The following SLC15A5 variants were observed in gnomAD, a reference collection of about 807,000 sequenced individuals.
The protein encoded by SLC15A5 is solute carrier family 15 member 5, also known as Peptide/histidine transporter ENSP00000340402.
A neutral mutation model predicts 56.1 loss-of-function variants in SLC15A5; 58 were observed. That is an observed-to-expected ratio of 1.03 (90% CI 0.84 to 1.29). SLC15A5 has a LOEUF of 1.29. Ranked by LOEUF, SLC15A5 falls within the 50% of genes most tolerant of loss-of-function variation. The pLI is 0.00. For missense variants in SLC15A5, 681 were observed against 672.1 expected (o/e 1.01, Z -0.15); for synonymous variants, 264 against 250.5 (o/e 1.05, Z -0.51).
chr12:16,228,804 AC>A (rs1864267847), intron 5 of SLC15A5, among the ~76,000 whole-genome samples: 1 of 151,004 alleles, frequency 6.6e-6, no homozygotes, highest in African/African-American at 2.4e-5. Flanking sequence ...TTGTAAGAAT[AC>A]ACTATGTAAT....
chr12:16,236,348 C>T (rs1436780269), intron 5 of SLC15A5, among the ~76,000 whole-genome samples: 1 of 152,166 alleles, frequency 6.6e-6, no homozygotes, highest in Non-Finnish European at 1.5e-5. Flanking sequence ...GATAAATCCA[C>T]ACAAGTGTAA....
At chr12:16,191,864 A>G (rs1454860363) in intron 8 of SLC15A5, among the ~76,000 whole-genome samples, 1 of 152,102 alleles carries the variant, frequency 6.6e-6, no homozygotes, top group Non-Finnish European at 1.5e-5. Flanking sequence ...TACTTCTGAC[A>G]TGTGACATCC....
chr12:16,262,331 C>G (rs956673453), intron 2 of SLC15A5, among the ~76,000 whole-genome samples: 1 of 151,958 alleles, frequency 6.6e-6, no homozygotes, highest in Admixed American at 6.5e-5. Flanking sequence ...TCTCATTCCT[C>G]TCATCACATT....
At position 16,271,504 on chromosome 12, in the gene SLC15A5, A is replaced by G. The variant is rs945452142; in HGVS notation, c.584+1057T>C. On this transcript the variant is annotated intron_variant, in intron 2 of 8. Transcript: ENST00000344941. The surrounding 1 kb of genome is among the most constrained non-coding windows in gnomAD (Gnocchi z 8.0). The stretch of plus-strand genomic sequence containing the variant: ...TTTGGTAAGACTGCATTGTTCTCTG[A>G]CATTAGGACTTAATCCAAAATAGGG... Among the ~76,000 whole-genome samples the G allele has an allele frequency of 3.9e-5, 6 of 152,176 alleles. No individual in the cohort carries two copies. The highest frequency in any genetic ancestry group is 3.3e-4 in the Admixed American group (5 of 15,268).
intron 5 of SLC15A5, among the ~76,000 whole-genome samples, chr12:16,226,751 T>G (rs1864245735): frequency 6.6e-6 from 1 of 152,182 alleles, no homozygotes; most frequent in African/African-American, 2.4e-5. Context: ...ATCTAGAAGT[T>G]TTTTGTTGAA....
chr12:16,198,756 T>C (rs1311407068), intron 7 of SLC15A5, among the ~76,000 whole-genome samples: 1 of 152,120 alleles, frequency 6.6e-6, no homozygotes, highest in Non-Finnish European at 1.5e-5. Context: ...ATTTAAAGCT[T>C]TTGAAACTGG....
rs187603537 is a variant in SLC15A5, at chr12:16,193,079, G to T, written c.1592+1266C>A. On this transcript the variant is annotated intron_variant, in intron 8 of 8. Coordinates refer to ENST00000344941, the MANE Select transcript of SLC15A5 (RefSeq NM_001170798.1). ...GGTGCAGGTTTTTGAGAATTGCTGG[G>T]TGAGCACCACTTATGTGTCTGGAGG... Among the ~76,000 whole-genome samples the T allele has an allele frequency of 2.8e-3, 424 of 152,144 alleles. 2 individuals carry two copies. The highest frequency in any genetic ancestry group is 9.2e-3 in the African/African-American group (382 of 41,548).
intron 3 of SLC15A5, among the ~76,000 whole-genome samples, chr12:16,256,109 ATAGT>A (rs1864569224): frequency 6.6e-6 from 1 of 152,236 alleles, no homozygotes; most frequent in East Asian, 1.9e-4. Context: ...AGAAATCCTA[ATAGT>A]TACATTAGCA....
At chr12:16,222,495 A>T (rs1864197999) in intron 6 of SLC15A5, among the ~76,000 whole-genome samples, 1 of 152,198 alleles carries the variant, frequency 6.6e-6, no homozygotes, top group South Asian at 2.1e-4. Context: ...TCTATTTTAA[A>T]TATCAGAAAA....
intron 7 of SLC15A5, among the ~76,000 whole-genome samples, chr12:16,198,078 A>G (rs1863912891): frequency 6.6e-6 from 1 of 152,094 alleles, no homozygotes; most frequent in South Asian, 2.1e-4. Flanking sequence ...TGCCATTCGT[A>G]ATGCCCACAG....
intron 3 of SLC15A5, among the ~76,000 whole-genome samples, chr12:16,253,013 AG>A (rs1864534160): frequency 6.7e-6 from 1 of 148,522 alleles, no homozygotes; most frequent in South Asian, 2.2e-4. Flanking sequence ...AATTTTCATC[AG>A]GGGTGCCAAG....
At chr12:16,261,162 C>T (rs1257795075) in intron 2 of SLC15A5, among the ~76,000 whole-genome samples, 2 of 151,990 alleles carry the variant, frequency 1.3e-5, no homozygotes, top group African/African-American at 2.4e-5. Flanking sequence ...AAAATAATTA[C>T]GACATTCAAG....
At chr12:16,246,552 G>T (rs1020348431) in intron 3 of SLC15A5, among the ~76,000 whole-genome samples, 1 of 151,962 alleles carries the variant, frequency 6.6e-6, no homozygotes. Flanking sequence ...AGTGGTGCTG[G>T]GTAGATAGTA....
At chr12:16,206,780 A>G (rs1392197389) in intron 7 of SLC15A5, among the ~76,000 whole-genome samples, 1 of 152,216 alleles carries the variant, frequency 6.6e-6, no homozygotes, top group Non-Finnish European at 1.5e-5. Context: ...AAATGAAGTC[A>G]GGTTGCTGTT....
chr12:16,270,449 C>T (rs775848667), intron 2 of SLC15A5, among the ~76,000 whole-genome samples: 8 of 152,156 alleles, frequency 5.3e-5, no homozygotes, highest in Non-Finnish European at 7.4e-5. Context: ...ATAGATTACA[C>T]ATTAATAAAC....
At chr12:16,204,604 T>G (rs992828009) in intron 7 of SLC15A5, among the ~76,000 whole-genome samples, 5 of 151,302 alleles carry the variant, frequency 3.3e-5, no homozygotes, top group Non-Finnish European at 5.9e-5. Flanking sequence ...AAAAGGAGAG[T>G]GATACTAAGC....
chr12:16,200,660 A>G (rs1453676013), intron 7 of SLC15A5, among the ~76,000 whole-genome samples: 1 of 152,154 alleles, frequency 6.6e-6, no homozygotes, highest in Non-Finnish European at 1.5e-5. Context: ...CTGGTCAATG[A>G]AGAAATGAAA....
Position 16,239,787 on chromosome 12 carries a change from A to G in SLC15A5, c.1056T>C (p.Asn352=), listed in dbSNP as rs1432946107. 6 of 1,537,286 alleles carry G rather than the reference A, an allele frequency of 3.9e-6. 1 individual carries two copies. In the South Asian group the frequency reaches 7.1e-5, roughly 18 times the overall value. The change falls in exon 5 of 9, where the codon AAT becomes AAC. Residue 352 remains asparagine (N), a synonymous_variant. Transcript: ENST00000344941. ...DGFLLPIAVM[N]AISSLPLLIL... is the part of the protein sequence containing the mutation. ...TTAGTAATGGTAGGCTGCTGATGGC[A>G]TTCATTACTGCAATCGGCAGAAGAA...
intron 7 of SLC15A5, among the ~76,000 whole-genome samples, chr12:16,197,092 A>G (rs1301011737): frequency 2.0e-5 from 3 of 151,902 alleles, no homozygotes; most frequent in African/African-American, 7.2e-5. Flanking sequence ...TCTTAAAAAA[A>G]AAAAGAAAAG....
Sources: allele counts gnomAD v4.1 joint callset (sites outside exome capture counted in the v4.1 genomes callset), GRCh38; gene constraint gnomAD v4.1.1; non-coding constraint Gnocchi (gnomAD v3.1); transcripts MANE v1.5; gene names NCBI Gene and HGNC (gene_info 2026-07-23, HGNC 2026-07-21).